ATXN7: variants seen among roughly 807,000 people sequenced by gnomAD.
ATXN7 encodes the protein ataxin-7.
A neutral mutation model predicts 70.5 loss-of-function variants in ATXN7; 12 were observed. The ratio of observed to expected loss-of-function variants is 0.17; its 90% CI spans 0.11 to 0.28. ATXN7 has a LOEUF of 0.28. Among genes scored for constraint, ATXN7 ranks in the 10% least tolerant of loss-of-function variants. The pLI is 1.00. For synonymous variants in ATXN7, 498 were observed against 448.7 expected (o/e 1.11, Z -1.39); for missense variants, 1,256 against 1,131.7 (o/e 1.11, Z -1.58).
chr3:63,865,398 CT>C (rs1702381130), intron 1 of ATXN7: 1 of 152,150 alleles, frequency 6.6e-6, no homozygotes, highest in Non-Finnish European at 1.5e-5. Context: ...AAGTTTCCGA[CT>C]TTGAAAAAAT....
intron 1 of ATXN7, among the ~76,000 whole-genome samples, chr3:63,889,780 C>T (rs2107242307): frequency 6.6e-6 from 1 of 152,278 alleles, no homozygotes; most frequent in African/African-American, 2.4e-5. Context: ...AATTCATGTT[C>T]CTGAGGTTGT....
chr3:63,913,059 G>A (rs1704119392), intron 3 of ATXN7, 98 bp from the exon 4 acceptor site: 1 of 1,484,820 alleles, frequency 6.7e-7, no homozygotes, highest in African/African-American at 1.4e-5. Context: ...TGCGGAACGC[G>A]GAGGTGCCCA....
chr3:63,984,442 A>G (rs1259743447), intron 8 of ATXN7, among the ~76,000 whole-genome samples: 1 of 152,174 alleles, frequency 6.6e-6, no homozygotes, highest in Non-Finnish European at 1.5e-5. Context: ...GTTCTGTAGA[A>G]TTATGTCAGT....
Position 64,002,619 on chromosome 3 carries a change from T to C in ATXN7, c.*3152T>C, listed in dbSNP as rs1449258532. ...AAACTAGTTTTAAGCTTAGACAGAA[T>C]CTCTTTAAAAAGACTTGAATGTTCA... On this transcript the variant is annotated 3_prime_UTR_variant, in exon 13 of 13. Coordinates refer to ENST00000674280, the MANE Select transcript of ATXN7 (RefSeq NM_001377405.1). The C allele has an allele frequency of 6.6e-6, 1 of 152,186 alleles. No homozygotes were observed. Among genetic ancestry groups the C allele is most frequent in the Admixed American group, 6.5e-5 (1 of 15,270 alleles). 9.4% of individuals were successfully genotyped at this position (152,186 alleles called of 1,614,324 possible). A position where few individuals can be genotyped will look rare whatever the true frequency, so the allele number is the denominator to read the frequency against.
intron 6 of ATXN7, among the ~76,000 whole-genome samples, chr3:63,981,139 CCTGCTG>C (rs1176985500): frequency 6.6e-6 from 1 of 152,194 alleles, no homozygotes; most frequent in Non-Finnish European, 1.5e-5. Flanking sequence ...GGGTCCAGCA[CCTGCTG>C]CTGCATAAGG....
chr3:64,002,574 G>GA lies in ATXN7; in HGVS notation c.*3113dup, dbSNP rs1331501178. ...TATGTGATGTGGTTTAAAACTAATG[G>GA]AAAAAACTGAAAGTGCCTGAAACTA... On this transcript the variant is annotated 3_prime_UTR_variant, in exon 13 of 13. Coordinates refer to ENST00000674280, the MANE Select transcript of ATXN7 (RefSeq NM_001377405.1). 1 of 152,042 alleles carries GA rather than the reference G, an allele frequency of 6.6e-6. No homozygotes were observed. The highest frequency in any genetic ancestry group is 6.6e-5 in the Admixed American group (1 of 15,242). The allele number at this position is 152,042 out of a possible 1,614,324, so 9.4% of individuals were successfully genotyped here. A position where few individuals can be genotyped will look rare whatever the true frequency, so the allele number is the denominator to read the frequency against.
rs748166879 is a variant in ATXN7, at chr3:63,995,543, C to G, written c.1721C>G (p.Ser574Cys). 1 of 1,614,156 alleles carries G rather than the reference C, an allele frequency of 6.2e-7. No homozygotes were observed. The highest frequency in any genetic ancestry group is 1.1e-5 in the South Asian group (1 of 91,084). ...GTGCCCAGTACCACCTCACCCATCT[C>G]CACACGTATTCCTCACCGGACAAAC... ...PPVPSTTSPI[S>C]TRIPHRTNSV... The change falls in exon 12 of 13, where the codon TCC becomes TGC. Residue 574 changes from serine (S) to cysteine (C), a missense_variant. By Grantham distance (112) the Ser-to-Cys change is moderately radical. Transcript: ENST00000674280.
intron 4 of ATXN7, among the ~76,000 whole-genome samples, chr3:63,925,958 G>T (rs1199140256): frequency 6.6e-6 from 1 of 152,184 alleles, no homozygotes; most frequent in East Asian, 1.9e-4. Context: ...TGGTAGCATT[G>T]TAGAAATGAA....
intron 1 of ATXN7, among the ~76,000 whole-genome samples, chr3:63,866,038 G>A (rs1264987633): frequency 6.6e-6 from 1 of 151,200 alleles, no homozygotes; most frequent in Non-Finnish European, 1.5e-5. Flanking sequence ...ATTTTCATGG[G>A]AAAGTATCAC....
Position 63,982,238 on chromosome 3 carries a change from C to G in ATXN7, c.805C>G (p.Leu269Val). 6.2e-7 allele frequency: 1 copy of G among 1,614,164 alleles called. No individual in the cohort carries two copies. The highest frequency in any genetic ancestry group is 1.6e-4 in the Middle Eastern group (1 of 6,062). ...GATTCATCCGAAAATGGATGGCACACTACTGAAATCTGCGGTGGGGCCAAC... is the reference window on the plus strand; with the variant it reads ...GATTCATCCGAAAATGGATGGCACAGTACTGAAATCTGCGGTGGGGCCAAC... ...EKIHPKMDGT[L>V]LKSAVGPTCP... Residue 269 changes from leucine (L) to valine (V), a missense_variant, in exon 7 of 13, where the codon CTA (leucine) becomes GTA (valine). Transcript: ENST00000674280.
chr3:63,985,096 A>C (rs2075553036), intron 8 of ATXN7, among the ~76,000 whole-genome samples: 1 of 152,128 alleles, frequency 6.6e-6, no homozygotes, highest in South Asian at 2.1e-4. Context: ...TGAACATAGG[A>C]GTTCTAATAG....
intron 5 of ATXN7, among the ~76,000 whole-genome samples, chr3:63,972,640 C>G (rs942662070): frequency 1.3e-5 from 2 of 152,266 alleles, no homozygotes; most frequent in Middle Eastern, 3.4e-3. Flanking sequence ...GGAAAATGAG[C>G]CAGCCTTTTA....
chr3:63,903,544 T>C (rs1703727632), intron 2 of ATXN7, among the ~76,000 whole-genome samples: 1 of 152,178 alleles, frequency 6.6e-6, no homozygotes, highest in African/African-American at 2.4e-5. Flanking sequence ...AGTTGAAAAG[T>C]AACGGCCACA....
chr3:63,948,945 A>G (rs2074910150), intron 4 of ATXN7, among the ~76,000 whole-genome samples: 1 of 152,224 alleles, frequency 6.6e-6, no homozygotes, highest in African/African-American at 2.4e-5. Flanking sequence ...CAAGTACATA[A>G]TTAATGGCCT....
At chr3:63,977,541 A>C (rs1461032196) in intron 5 of ATXN7, among the ~76,000 whole-genome samples, 1 of 152,170 alleles carries the variant, frequency 6.6e-6, no homozygotes, top group African/African-American at 2.4e-5. Context: ...ACACGGATGA[A>C]TATTTTAATG....
intron 7 of ATXN7, 38 bp downstream of exon 7, chr3:63,982,483 T>C: frequency 1.3e-6 from 2 of 1,510,850 alleles, no homozygotes; most frequent in South Asian, 1.2e-5. Context: ...TGCTTCTCTA[T>C]ATATTAAATG....
At chr3:63,865,518 A>G (rs571339563) in intron 1 of ATXN7, 7 of 152,324 alleles carry the variant, frequency 4.6e-5, no homozygotes, top group East Asian at 3.9e-4. Context: ...CTTAAGTACT[A>G]CAGATTGTAA....
chr3:63,870,945 G>C (rs1266001214), intron 1 of ATXN7, among the ~76,000 whole-genome samples: 4 of 152,082 alleles, frequency 2.6e-5, no homozygotes, highest in Admixed American at 6.5e-5. Flanking sequence ...ATTTCATCCG[G>C]CCATCACTGA....
At chr3:63,961,018 A>C (rs1054670431) in intron 5 of ATXN7, among the ~76,000 whole-genome samples, 12 of 152,296 alleles carry the variant, frequency 7.9e-5, no homozygotes, top group Non-Finnish European at 1.5e-4. Flanking sequence ...TTTGTTTTTA[A>C]TTATTAAAAT....
Sources: gnomAD v4.1 joint callset for allele counts (sites outside exome capture counted in the v4.1 genomes callset) on GRCh38, gnomAD v4.1.1 for gene constraint, MANE v1.5 for transcripts, NCBI Gene and HGNC (gene_info 2026-07-23, HGNC 2026-07-21) for gene names.